QRICH2: variants seen among roughly 807,000 people sequenced by gnomAD.
QRICH2 encodes glutamine-rich protein 2.
In QRICH2, 119 loss-of-function variants were observed where a neutral mutation model predicts 168.3. The ratio of observed to expected loss-of-function variants is 0.71; its 90% CI spans 0.61 to 0.82. The LOEUF (loss-of-function observed/expected upper bound fraction) is 0.82, where lower values mean the gene tolerates loss of function less well. QRICH2 is among the 40% of genes least tolerant of loss of function. The pLI is 0.00. For synonymous variants in QRICH2, 894 were observed against 951.2 expected (o/e 0.94, Z 1.11); for missense variants, 2,241 against 2,491.6 (o/e 0.90, Z 2.14).
rs1428218496 is a variant in QRICH2 at position 76,281,759 on chromosome 17, T to G, written c.4263+105A>C. ...AGGGCTCCGCCACGGAGAGCTGACCTTGAGGCCCAAACACCCGCCCCACTT... is the reference window on the plus strand; with the variant it reads ...AGGGCTCCGCCACGGAGAGCTGACCGTGAGGCCCAAACACCCGCCCCACTT... On this transcript the variant is annotated intron_variant, in intron 8 of 18. Transcript: ENST00000680821. The surrounding 1 kb of genome is among the most constrained non-coding windows in gnomAD (Gnocchi z 4.4). 1 of 1,442,110 alleles carries G rather than the reference T, an allele frequency of 6.9e-7. No homozygotes were observed. 89.3% of individuals were successfully genotyped at this position (1,442,110 alleles called of 1,614,324 possible).
chr17:76,280,367 C>T lies in QRICH2; in HGVS notation c.4546G>A (p.Glu1516Lys). The T allele has an allele frequency of 1.2e-5, 19 of 1,614,202 alleles. No individual in the cohort carries two copies. Among genetic ancestry groups the T allele is most frequent in the Non-Finnish European group, 1.6e-5 (19 of 1,180,034 alleles). ...TGCCCGCTCATCTTGGCCACCAGCT[C>T]CTGCATCATGTGGTTCAGCTGCTCC... Reference protein sequence around the residue: ...TTEQLNHMMQELVAKMSGQEQ... With the variant: ...TTEQLNHMMQKLVAKMSGQEQ... Residue 1516 changes from glutamate (E) to lysine (K), a missense_variant, in exon 11 of 19, where the codon GAG (glutamate) becomes AAG (lysine). Glu to Lys is a moderately conservative substitution (Grantham distance 56). This residue lies in a region of QRICH2 where 2,047 missense variants were observed against 2,303.8 expected (regional missense o/e 0.89). Coordinates refer to ENST00000680821, the MANE Select transcript of QRICH2 (RefSeq NM_001388453.1). This position sits in a 1 kb window ranked among gnomAD's most constrained non-coding sequence, Gnocchi z 7.4.
Position 76,293,490 on chromosome 17 carries a change from C to T in QRICH2, c.1237G>A (p.Val413Ile). 1.2e-6 allele frequency: 2 copies of T among 1,614,208 alleles called. No individual in the cohort carries two copies. The highest frequency in any genetic ancestry group is 1.7e-6 in the Non-Finnish European group (2 of 1,180,040). ...VPASTYPHGV[V>I]PLSMGQLGVP... The stretch of plus-strand genomic sequence containing the variant: ...CCAAGCTGACCCATGCTGAGGGGTA[C>T]CACACCATGTGGGTAAGTGCTAGCA... The change falls in exon 4 of 19, where the codon GTA becomes ATA. Residue 413 changes from valine (V) to isoleucine (I), a missense_variant. Around this residue, in one of 3 missense-constraint regions of QRICH2, gnomAD observed 2,047 missense variants for 2,303.8 expected, o/e 0.89. Transcript: ENST00000680821.
In QRICH2 at chr17:76,287,326, A is replaced by G; in HGVS notation, c.3897-20T>C. On this transcript the variant is annotated intron_variant, in intron 6 of 18. Transcript: ENST00000680821. ...GTGACTCTGTGGTGCACGATGAGAG[A>G]CTGCCAGACTCCACACTCAGGCCAG... 6.4e-7 allele frequency: 1 copy of G among 1,566,546 alleles called. No homozygotes were observed. Among genetic ancestry groups the G allele is most frequent in the South Asian group, 1.1e-5 (1 of 89,658 alleles).
upstream of QRICH2, chr17:76,308,450 GA>G: frequency 1.0e-6 from 1 of 985,368 alleles, no homozygotes; most frequent in Non-Finnish European, 1.2e-6. Context: ...CCTTAACCTA[GA>G]AAGGCCAGGA....
intron 4 of QRICH2, among the ~76,000 whole-genome samples, chr17:76,290,462 C>A (rs947392270): frequency 2.6e-5 from 4 of 152,146 alleles, no homozygotes; most frequent in African/African-American, 9.7e-5. Context: ...CTCACTGCAA[C>A]CTCTGCCTCC....
In QRICH2 at chr17:76,304,396, CA is replaced by C. The variant is rs2070955942; in HGVS notation, c.705+18del. On this transcript the variant is annotated intron_variant, in intron 3 of 18. Transcript: ENST00000680821. ...GGGAGCCCCACCCAAGACCACGGCCCAGGCCCCCACTGGTTCACCGCTTGTG... is the reference window on the plus strand; with the variant it reads ...GGGAGCCCCACCCAAGACCACGGCCCGGCCCCCACTGGTTCACCGCTTGTG... 1 of 1,569,132 alleles carries C rather than the reference CA, an allele frequency of 6.4e-7. No homozygotes were observed. Among genetic ancestry groups the C allele is most frequent in the African/African-American group, 1.4e-5 (1 of 73,944 alleles).
rs563181990 is a variant in QRICH2 at position 76,306,937 on chromosome 17, G to A, written c.534+528C>T. ...CGGTCCCCTGCCTGCTGTGGCTTGT[G>A]TCATGGCCATAGGAAGCTGAGGTCC... On this transcript the variant is annotated intron_variant, in intron 1 of 18. Transcript: ENST00000680821. Among the ~76,000 whole-genome samples the A allele has an allele frequency of 3.3e-5, 5 of 151,772 alleles. No homozygotes were observed. The East Asian group carries it at 9.7e-4, about 29-fold the overall frequency.
rs750338540 is a variant in QRICH2, at chr17:76,291,541, T to C, written c.3186A>G (p.Ile1062Met). The C allele has an allele frequency of 1.2e-5, 19 of 1,613,430 alleles. 1 individual carries two copies. The Admixed American group carries it at 2.3e-4, about 20-fold the overall frequency. Reference protein sequence around the residue: ...MHPGTDQHSPIPLSTGLGSTH... With the variant: ...MHPGTDQHSPMPLSTGLGSTH... Reference sequence around the variant, plus strand: ...TAGATCCCAAACCTGTACTCAGTGGTATTGGGCTGTGCTGGTCTGTGCCAG... The same window carrying C: ...TAGATCCCAAACCTGTACTCAGTGGCATTGGGCTGTGCTGGTCTGTGCCAG... Residue 1062 changes from isoleucine to methionine, a missense_variant, in exon 4 of 19, where the codon ATA becomes ATG. This residue lies in a region of QRICH2 where 2,047 missense variants were observed against 2,303.8 expected (regional missense o/e 0.89). Coordinates refer to ENST00000680821, the MANE Select transcript of QRICH2 (RefSeq NM_001388453.1).
intron 5 of QRICH2, among the ~76,000 whole-genome samples, chr17:76,288,857 C>G (rs1045265848): frequency 6.6e-6 from 1 of 152,170 alleles, no homozygotes; most frequent in African/African-American, 2.4e-5. Flanking sequence ...GTAATCCCAG[C>G]ACTTTGGGAG....
chr17:76,282,996 A>T (rs1342728381), intron 7 of QRICH2, among the ~76,000 whole-genome samples: 11 of 152,188 alleles, frequency 7.2e-5, no homozygotes, highest in Non-Finnish European at 1.3e-4. Flanking sequence ...TACCCACAAA[A>T]GCAGATGCAG....
At chr17:76,284,218 T>G (rs1289608033) in intron 7 of QRICH2, among the ~76,000 whole-genome samples, 6 of 131,154 alleles carry the variant, frequency 4.6e-5, no homozygotes, top group Non-Finnish European at 6.0e-5. Context: ...GTTCCTGACA[T>G]GAACCCGCTT....
At chr17:76,276,551 T>G in intron 17 of QRICH2, 129 bp downstream of exon 17, 2 of 654,166 alleles carry the variant, frequency 3.1e-6, no homozygotes, top group Non-Finnish European at 5.4e-6. Flanking sequence ...ACCTGCACAT[T>G]TGGAGTGAGG....
At chr17:76,303,181 G>GC (rs2070933038) in intron 3 of QRICH2, among the ~76,000 whole-genome samples, 1 of 152,106 alleles carries the variant, frequency 6.6e-6, no homozygotes, top group African/African-American at 2.4e-5. Context: ...ACCGCGCCCG[G>GC]CCCCTCTTGC....
At chr17:76,277,703 C>T (rs2070711014) in intron 15 of QRICH2, among the ~76,000 whole-genome samples, 1 of 151,958 alleles carries the variant, frequency 6.6e-6, no homozygotes, top group African/African-American at 2.4e-5. Context: ...CATACATGCA[C>T]ACACATACTC....
Position 76,274,128 on chromosome 17 carries a change from TC to T in QRICH2, c.5614del (p.Glu1872ArgfsTer22). 6.3e-7 allele frequency: 1 copy of T among 1,587,814 alleles called. No homozygotes were observed. The part of the protein sequence containing the change: ...LERHVDMPPG[E>X]GLEEPTRGPR... ...CCCCCGCGTGGGCTCCTCGAGCCCCTCCCCAGGAGGCATGTCCACGTGCCTC... is the reference window on the plus strand; with the variant it reads ...CCCCCGCGTGGGCTCCTCGAGCCCCTCCCAGGAGGCATGTCCACGTGCCTC... On this transcript the variant is annotated frameshift_variant, in exon 19 of 19. Coordinates refer to ENST00000680821, the MANE Select transcript of QRICH2 (RefSeq NM_001388453.1). LOFTEE classifies it high-confidence loss of function.
chr17:76,287,323 G>C lies in QRICH2; in HGVS notation c.3897-17C>G. On this transcript the variant is annotated splice_polypyrimidine_tract_variant and intron_variant, in intron 6 of 18. Coordinates refer to ENST00000680821, the MANE Select transcript of QRICH2 (RefSeq NM_001388453.1). ...ACGGTGACTCTGTGGTGCACGATGA[G>C]AGACTGCCAGACTCCACACTCAGGC... 2 of 1,577,532 alleles carry C rather than the reference G, an allele frequency of 1.3e-6. No individual in the cohort carries two copies. Among genetic ancestry groups the C allele is most frequent in the Non-Finnish European group, 1.7e-6 (2 of 1,147,686 alleles).
At position 76,280,563 on chromosome 17, in the gene QRICH2, G is replaced by A. The variant is rs528417790; in HGVS notation, c.4461+91C>T. ...GGCAGGTTTCTGAGAGCCCACACTC[G>A]TCTCGCCAGCTCCCCTCCACTCAGT... On this transcript the variant is annotated intron_variant, in intron 10 of 18. Coordinates refer to ENST00000680821, the MANE Select transcript of QRICH2 (RefSeq NM_001388453.1). This position sits in a 1 kb window ranked among gnomAD's most constrained non-coding sequence, Gnocchi z 7.4. 853 of 1,594,576 alleles carry A rather than the reference G, an allele frequency of 5.3e-4. 1 individual carries two copies. The highest frequency in any genetic ancestry group is 6.7e-4 in the Non-Finnish European group (777 of 1,164,604).
intron 1 of QRICH2, 117 bp from the exon 2 acceptor site, chr17:76,305,058 C>T (rs760135744): frequency 8.9e-5 from 68 of 768,250 alleles, no homozygotes; most frequent in Non-Finnish European, 1.4e-4. Flanking sequence ...CATGCATACA[C>T]GCACATTCAC....
At position 76,275,857 on chromosome 17, in the gene QRICH2, CGA is replaced by C; in HGVS notation, c.5442_5443del (p.Arg1815AlafsTer21). 2 of 1,607,880 alleles carry C rather than the reference CGA, an allele frequency of 1.2e-6. No homozygotes were observed. The highest frequency in any genetic ancestry group is 1.3e-5 in the African/African-American group (1 of 75,038). On this transcript the variant is annotated frameshift_variant, in exon 18 of 19. Transcript: ENST00000680821. LOFTEE classifies it low-confidence loss of function (END_TRUNC). ...AGCCGAAATCTGGGCGCTCTGTGGC[CGA>C]GAGGGCAGCTGGCCATTGCTGCTGA...
Sources: allele counts gnomAD v4.1 joint callset (sites outside exome capture counted in the v4.1 genomes callset), GRCh38; gene constraint gnomAD v4.1.1; regional missense constraint gnomAD v4.1.1; non-coding constraint Gnocchi (gnomAD v3.1); transcripts MANE v1.5; gene names NCBI Gene and HGNC (gene_info 2026-07-23, HGNC 2026-07-21).